Variants in PWWP2A observed in about 807,000 individuals in gnomAD.
The protein encoded by PWWP2A is PWWP domain containing 2A.
PWWP2A carries 18 observed loss-of-function variants against 48.5 expected under a neutral mutation model. That is an observed-to-expected ratio of 0.37 (90% CI 0.26 to 0.55). The LOEUF is 0.55. PWWP2A is among the 20% of genes least tolerant of loss of function. The probability of loss-of-function intolerance (pLI) is 0.81; values close to 1 mark genes in which losing one functional copy is unlikely to be tolerated. For synonymous variants in PWWP2A, 396 were observed against 387.7 expected (o/e 1.02, Z -0.25); for missense variants, 867 against 976.4 (o/e 0.89, Z 1.49).
chr5:160,084,036 G>A (rs1754434200), intron 2 of PWWP2A, among the ~76,000 whole-genome samples: 1 of 152,106 alleles, frequency 6.6e-6, no homozygotes, highest in African/African-American at 2.4e-5. Flanking sequence ...AAATAACATT[G>A]TTATATTTCC....
chr5:160,087,155 G>C (rs932284703), downstream of PWWP2A, among the ~76,000 whole-genome samples: 2 of 152,004 alleles, frequency 1.3e-5, no homozygotes, highest in Non-Finnish European at 2.9e-5. Context: ...AAGACGAGAG[G>C]ATCACTTGAG....
chr5:160,056,927 C>CA (rs1757561312), downstream of PWWP2A, among the ~76,000 whole-genome samples: 1 of 152,100 alleles, frequency 6.6e-6, no homozygotes, highest in Non-Finnish European at 1.5e-5. Context: ...GACTTGTTAC[C>CA]ACCCCTCTTA....
At chr5:160,072,280 G>A (rs936987002), downstream of PWWP2A, among the ~76,000 whole-genome samples, 1 of 152,142 alleles carries the variant, frequency 6.6e-6, no homozygotes, top group South Asian at 2.1e-4. Context: ...GCTTGCTTCA[G>A]CAGCACATAT....
intron 4 of PWWP2A, chr5:160,064,888 T>G: frequency 6.3e-7 from 1 of 1,582,834 alleles, no homozygotes. Flanking sequence ...TTCCTGCTTC[T>G]GTTCATTCCT....
At chr5:160,109,948 T>C (rs977438415) in intron 1 of PWWP2A, among the ~76,000 whole-genome samples, 2 of 149,806 alleles carry the variant, frequency 1.3e-5, no homozygotes, top group East Asian at 3.9e-4. Flanking sequence ...ATTAACCAAT[T>C]GCAATGTATG....
chr5:160,109,350 CA>C (rs113030645), intron 1 of PWWP2A, among the ~76,000 whole-genome samples: 8,246 of 134,576 alleles, frequency 0.061, 203 homozygotes, highest in East Asian at 0.11. Context: ...TCCCCTGCTC[CA>C]AAAAAAAAAA....
intron 1 of PWWP2A, among the ~76,000 whole-genome samples, chr5:160,099,612 C>G (rs1376422080): frequency 2.0e-5 from 3 of 151,692 alleles, no homozygotes; most frequent in Admixed American, 1.3e-4. Flanking sequence ...TGAGCCACCA[C>G]AGTCGGCCCC....
chr5:160,110,313 AAC>A (rs1396877750), intron 1 of PWWP2A, among the ~76,000 whole-genome samples: 3 of 152,084 alleles, frequency 2.0e-5, no homozygotes, highest in African/African-American at 7.2e-5. Context: ...CTGACATTTT[AAC>A]AGTGACTGAA....
chr5:160,071,556 G>A (rs1211976988), downstream of PWWP2A, among the ~76,000 whole-genome samples: 4 of 152,166 alleles, frequency 2.6e-5, no homozygotes, highest in African/African-American at 9.7e-5. Context: ...CTTTAATCTT[G>A]GGAAAGATCT....
intron 1 of PWWP2A, 96 bp downstream of exon 1, chr5:160,118,709 G>A: frequency 8.2e-7 from 1 of 1,213,906 alleles, no homozygotes; most frequent in Non-Finnish European, 1.1e-6. Context: ...GCCCCGGGCA[G>A]CGGGGAAGCG....
At position 160,093,247 on chromosome 5, in the gene PWWP2A, C is replaced by A. The variant is rs1227118906; in HGVS notation, c.1403G>T (p.Gly468Val). ...FTRRYQNPSS[G>V]SLPPRVRLKP... The stretch of plus-strand genomic sequence containing the variant: ...TAAACGAACCCGGGGTGGAAGGGAA[C>A]CTGAGCTAGGATTCTGATATCGACG... Residue 468 changes from glycine (G) to valine (V), a missense_variant, in exon 2 of 2, where the codon GGT becomes GTT. Coordinates refer to ENST00000307063, the MANE Select transcript of PWWP2A (RefSeq NM_001130864.2). The surrounding 1 kb of genome is among the most constrained non-coding windows in gnomAD (Gnocchi z 5.8). The A allele has an allele frequency of 1.2e-6, 2 of 1,614,010 alleles. No homozygotes were observed. The highest frequency in any genetic ancestry group is 1.7e-6 in the Non-Finnish European group (2 of 1,179,902).
chr5:160,050,251 C>G, the PWWP2A span, among the ~76,000 whole-genome samples: 4 of 152,150 alleles, frequency 2.6e-5, no homozygotes, highest in African/African-American at 9.7e-5. Context: ...AGTTCGAGAC[C>G]AGCCTGACCA....
At chr5:160,053,151 AT>A in the PWWP2A span, among the ~76,000 whole-genome samples, 10,915 of 152,238 alleles carry the variant, frequency 0.072, 470 homozygotes, top group East Asian at 0.12. Flanking sequence ...GTTCTGTGAG[AT>A]TCCCTAGAGG....
At chr5:160,110,947 C>G (rs1190105673) in intron 1 of PWWP2A, among the ~76,000 whole-genome samples, 2 of 137,358 alleles carry the variant, frequency 1.5e-5, no homozygotes, top group Non-Finnish European at 3.0e-5. Context: ...AAGAAAATCA[C>G]TTGAACCTGA....
At chr5:160,098,918 T>C (rs745873323) in intron 1 of PWWP2A, among the ~76,000 whole-genome samples, 2 of 152,148 alleles carry the variant, frequency 1.3e-5, no homozygotes, top group Non-Finnish European at 2.9e-5. Context: ...CACTCCAGCC[T>C]GGGTGACAGG....
chr5:160,106,957 G>A (rs180708076), intron 1 of PWWP2A, among the ~76,000 whole-genome samples: 140 of 151,204 alleles, frequency 9.3e-4, no homozygotes, highest in African/African-American at 3.2e-3. Context: ...CCAAGTAGCT[G>A]GGATTACAGG....
At chr5:160,055,291 G>A in the PWWP2A span, among the ~76,000 whole-genome samples, 1 of 152,164 alleles carries the variant, frequency 6.6e-6, no homozygotes, top group Non-Finnish European at 1.5e-5. Flanking sequence ...TGTCATCTCA[G>A]CTTATTGAAC....
chr5:160,105,805 GA>G (rs1311611850), intron 1 of PWWP2A: 1 of 195,784 alleles, frequency 5.1e-6, no homozygotes, highest in African/African-American at 2.5e-5. Context: ...ATTCCTCAAA[GA>G]AAGGTTACCT....
chr5:160,057,324 A>T (rs1302393365), downstream of PWWP2A, among the ~76,000 whole-genome samples: 2 of 152,240 alleles, frequency 1.3e-5, no homozygotes, highest in African/African-American at 4.8e-5. This position sits in a 1 kb window ranked among gnomAD's most constrained non-coding sequence, Gnocchi z 4.4. Flanking sequence ...GCGAGTCACA[A>T]GAATTTTTTG....
Sources: allele counts gnomAD v4.1 joint callset (sites outside exome capture counted in the v4.1 genomes callset), GRCh38; gene constraint gnomAD v4.1.1; non-coding constraint Gnocchi (gnomAD v3.1); transcripts MANE v1.5; gene names NCBI Gene and HGNC (gene_info 2026-07-23, HGNC 2026-07-21).